The following UCK2 variants were observed in gnomAD, a reference collection of about 807,000 sequenced individuals.
UCK2 encodes cytidine monophosphokinase 2.
A neutral mutation model predicts 30.8 loss-of-function variants in UCK2; 6 were observed. That is an observed-to-expected ratio of 0.19 (90% CI 0.11 to 0.38). The LOEUF is 0.38. Ranked by LOEUF, UCK2 falls within the 10% of genes least tolerant of loss-of-function variation. The probability of loss-of-function intolerance (pLI) is 1.00; values close to 1 mark genes in which losing one functional copy is unlikely to be tolerated. For synonymous variants in UCK2, 125 were observed against 133.6 expected, an observed-to-expected ratio of 0.94 and a Z score of 0.45; for missense variants, 210 against 339.8, an observed-to-expected ratio of 0.62 and a Z score of 3.00.
chr1:165,836,785 C>G (rs1654205493), intron 1 of UCK2, among the ~76,000 whole-genome samples: 1 of 152,162 alleles, frequency 6.6e-6, no homozygotes, highest in African/African-American at 2.4e-5. Context: ...TTGAAGACAA[C>G]TGATTTAGGT....
chr1:165,889,709 ATTTAACT>A (rs1361373344), intron 1 of UCK2, among the ~76,000 whole-genome samples: 3 of 130,142 alleles, frequency 2.3e-5, no homozygotes, highest in Non-Finnish European at 5.0e-5. Context: ...TTTTTTTTTA[ATTTAACT>A]TTTAAGTTCA....
At chr1:165,845,302 C>A (rs1225470159) in intron 1 of UCK2, among the ~76,000 whole-genome samples, 2 of 152,144 alleles carry the variant, frequency 1.3e-5, no homozygotes, top group African/African-American at 4.8e-5. Flanking sequence ...GTAGGAAAGG[C>A]ACTTTGGTTT....
At chr1:165,847,539 C>T (rs1234412480) in intron 1 of UCK2, among the ~76,000 whole-genome samples, 1 of 152,158 alleles carries the variant, frequency 6.6e-6, no homozygotes, top group Non-Finnish European at 1.5e-5. Context: ...TAATTTGCAT[C>T]ACTCCCTCAG....
chr1:165,840,005 C>G (rs1226308851), intron 1 of UCK2, among the ~76,000 whole-genome samples: 2 of 152,220 alleles, frequency 1.3e-5, no homozygotes, highest in Non-Finnish European at 2.9e-5. Context: ...CCACTGCAGC[C>G]TCTGCCGGGT....
chr1:165,900,869 A>G (rs1264901824), intron 4 of UCK2, among the ~76,000 whole-genome samples: 2 of 152,240 alleles, frequency 1.3e-5, no homozygotes, highest in African/African-American at 2.4e-5. Flanking sequence ...CAGGGCTTTA[A>G]GTAAAAGCTG....
Position 165,869,365 on chromosome 1 carries a change from A to G in UCK2, c.100-20839A>G, listed in dbSNP as rs79259312. ...CTTCAATTTGTAAAAAAAACGTAGTATCTGTGAAGCACAATAAAATGAAGT... is the reference window on the plus strand; with the variant it reads ...CTTCAATTTGTAAAAAAAACGTAGTGTCTGTGAAGCACAATAAAATGAAGT... On this transcript the variant is annotated intron_variant, in intron 1 of 6. Transcript: ENST00000367879. 8.9e-3 allele frequency among the ~76,000 whole-genome samples: 1,361 copies of G among 152,278 alleles called. 32 individuals carry two copies. The highest frequency in any genetic ancestry group is 0.051 in the Admixed American group (775 of 15,292).
Position 165,841,095 on chromosome 1 carries a change from GTA to G in UCK2, c.99+13165_99+13166del, listed in dbSNP as rs555825228. Among the ~76,000 whole-genome samples the G allele has an allele frequency of 1.4e-3, 113 of 78,884 alleles. 1 individual carries two copies. In the South Asian group the frequency reaches 0.05, roughly 35 times the overall value. 51.8% of individuals were successfully genotyped at this position (78,884 alleles called of 152,430 possible). A position where few individuals can be genotyped will look rare whatever the true frequency, so the allele number is the denominator to read the frequency against. ...GAGATATATATTTGTGTGTGCACAC[GTA>G]TGTGTGTGTGTGTGTATATATATAT... On this transcript the variant is annotated intron_variant, in intron 1 of 6. Transcript: ENST00000367879.
At chr1:165,874,366 A>C (rs1655280086) in intron 1 of UCK2, among the ~76,000 whole-genome samples, 1 of 152,200 alleles carries the variant, frequency 6.6e-6, no homozygotes, top group African/African-American at 2.4e-5. Flanking sequence ...CAAATGAGAC[A>C]TAGGGTTTAT....
chr1:165,866,760 C>T, intron 1 of UCK2, among the ~76,000 whole-genome samples: 1 of 152,204 alleles, frequency 6.6e-6, no homozygotes, highest in East Asian at 1.9e-4. Flanking sequence ...TGGAATCACA[C>T]AGCATTTGCC....
At chr1:165,904,862 C>A (rs1647599442) in intron 5 of UCK2, among the ~76,000 whole-genome samples, 1 of 152,142 alleles carries the variant, frequency 6.6e-6, no homozygotes. Flanking sequence ...TCTACAAAAT[C>A]TCAGTAAATT....
At chr1:165,862,162 A>G (rs1028269048) in intron 1 of UCK2, among the ~76,000 whole-genome samples, 1 of 152,174 alleles carries the variant, frequency 6.6e-6, no homozygotes, top group African/African-American at 2.4e-5. Context: ...CTTTGTTCAT[A>G]TGCACAGGCT....
At chr1:165,829,418 G>T (rs914630445) in intron 1 of UCK2, among the ~76,000 whole-genome samples, 8 of 152,058 alleles carry the variant, frequency 5.3e-5, no homozygotes, top group East Asian at 1.9e-4. Context: ...AGCATTTTTT[G>T]TTGTTGTTGT....
chr1:165,855,545 G>A (rs1401067717), intron 1 of UCK2, among the ~76,000 whole-genome samples: 2 of 134,104 alleles, frequency 1.5e-5, no homozygotes, highest in South Asian at 4.6e-4. Context: ...AGCTCCTTCT[G>A]TCTGGGCTGA....
At chr1:165,871,214 A>G (rs1263139606) in intron 1 of UCK2, among the ~76,000 whole-genome samples, 1 of 152,142 alleles carries the variant, frequency 6.6e-6, no homozygotes, top group Non-Finnish European at 1.5e-5. Context: ...CATGGTATGG[A>G]AAAAAACAGG....
At chr1:165,857,684 A>T (rs573621549) in intron 1 of UCK2, among the ~76,000 whole-genome samples, 1 of 152,308 alleles carries the variant, frequency 6.6e-6, no homozygotes, top group South Asian at 2.1e-4. Context: ...GAGAGGCAGG[A>T]ACAGCAGTTT....
At chr1:165,848,314 G>A (rs373904915) in intron 1 of UCK2, among the ~76,000 whole-genome samples, 45 of 152,248 alleles carry the variant, frequency 3.0e-4, no homozygotes, top group Middle Eastern at 3.4e-3. Flanking sequence ...GAAAATATTG[G>A]TGGAGGTTGA....
rs560921557 is a variant in UCK2 at position 165,870,196 on chromosome 1, A to G, written c.100-20008A>G. On this transcript the variant is annotated intron_variant, in intron 1 of 6. Coordinates refer to ENST00000367879, the MANE Select transcript of UCK2 (RefSeq NM_012474.5). ...ATGGTGTAAAGTAAGGAAAGGTCTA[A>G]CTTCATTTTTTTTTTTTTTTTTTTG... is the stretch of plus-strand genomic sequence containing the variant. Among the ~76,000 whole-genome samples, 38 of 119,344 alleles carry G rather than the reference A, an allele frequency of 3.2e-4. 1 individual carries two copies. In the East Asian group the frequency reaches 9.0e-3, roughly 28 times the overall value. 78.3% of individuals were successfully genotyped at this position (119,344 alleles called of 152,430 possible).
At chr1:165,890,967 G>T in intron 2 of UCK2, 1 of 408,934 alleles carries the variant, frequency 2.4e-6, no homozygotes, top group South Asian at 2.3e-5. Flanking sequence ...AGAGGGGAAA[G>T]AACTGACTGA....
chr1:165,831,252 G>A (rs955758165), intron 1 of UCK2, among the ~76,000 whole-genome samples: 1 of 151,952 alleles, frequency 6.6e-6, no homozygotes, highest in African/African-American at 2.4e-5. Context: ...TTAAAAATTA[G>A]CCATGTATGT....
Sources: allele counts gnomAD v4.1 joint callset (sites outside exome capture counted in the v4.1 genomes callset), GRCh38; gene constraint gnomAD v4.1.1; transcripts MANE v1.5; gene names NCBI Gene and HGNC (gene_info 2026-07-23, HGNC 2026-07-21).